The following WDR43 variants were observed in gnomAD, a reference collection of about 807,000 sequenced individuals.
WDR43 encodes WD repeat-containing protein 43.
WDR43 carries 13 observed loss-of-function variants against 91.4 expected under a neutral mutation model. The ratio of observed to expected loss-of-function variants is 0.14; its 90% CI spans 0.09 to 0.23. The LOEUF (loss-of-function observed/expected upper bound fraction) is 0.23. Among genes scored for constraint, WDR43 ranks in the 10% least tolerant of loss-of-function variants. The pLI is 1.00. For missense variants in WDR43, 780 were observed against 809.4 expected, an observed-to-expected ratio of 0.96 and a Z score of 0.44; for synonymous variants, 331 against 287.9, an observed-to-expected ratio of 1.15 and a Z score of -1.51.
Position 28,941,455 on chromosome 2 carries a change from C to T in WDR43, c.1621-6C>T, listed in dbSNP as rs749373996. On this transcript the variant is annotated splice_region_variant and splice_polypyrimidine_tract_variant and intron_variant, in intron 14 of 17. Coordinates refer to ENST00000407426, the MANE Select transcript of WDR43 (RefSeq NM_015131.3). ...AATAGTGCCAAATGATCATTTTTTT[C>T]TCTAGTTGCCTGACCTGGTACCCCA... 1.9e-6 allele frequency: 3 copies of T among 1,602,856 alleles called. No homozygotes were observed. The highest frequency in any genetic ancestry group is 1.7e-5 in the Admixed American group (1 of 57,888).
rs1393607176 is a variant in WDR43, at chr2:28,948,162, T to C, written c.*1383T>C. On this transcript the variant is annotated 3_prime_UTR_variant, in exon 18 of 18. Coordinates refer to ENST00000407426, the MANE Select transcript of WDR43 (RefSeq NM_015131.3). ...TTATATTTGTCTATAAATGGAGCTG[T>C]TTATGGCAATTTAATACCATTCTCT... 6.6e-6 allele frequency: 1 copy of C among 152,200 alleles called. No individual in the cohort carries two copies. Among genetic ancestry groups the C allele is most frequent in the Non-Finnish European group, 1.5e-5 (1 of 68,036 alleles). The allele number at this position is 152,200 out of a possible 1,614,324, so 9.4% of individuals were successfully genotyped here.
chr2:28,907,828 C>T (rs568237503), intron 3 of WDR43, among the ~76,000 whole-genome samples: 11 of 146,596 alleles, frequency 7.5e-5, no homozygotes, highest in South Asian at 2.5e-4. Context: ...GGCGTGAACC[C>T]GGGAGGCGGA....
intron 14 of WDR43, among the ~76,000 whole-genome samples, chr2:28,940,476 C>G (rs1031414596): frequency 6.6e-6 from 1 of 151,954 alleles, no homozygotes; most frequent in Non-Finnish European, 1.5e-5. Context: ...GTGATCTGCC[C>G]GCCTCAGCCT....
In WDR43 at chr2:28,946,690, GA is replaced by G; in HGVS notation, c.1949del (p.Asn650MetfsTer13). 1 of 1,574,026 alleles carries G rather than the reference GA, an allele frequency of 6.4e-7. No homozygotes were observed. The highest frequency in any genetic ancestry group is 8.6e-7 in the Non-Finnish European group (1 of 1,159,352). On this transcript the variant is annotated frameshift_variant, in exon 18 of 18. Coordinates refer to ENST00000407426, the MANE Select transcript of WDR43 (RefSeq NM_015131.3). LOFTEE classifies it high-confidence loss of function. ...TGAGGATGCCGAAGGAAAAGATGAA[GA>G]AAATGGCGAGGACAGAGATACAGCA... is the stretch of plus-strand genomic sequence containing the variant. ...EDEDAEGKDE[E>X]NGEDRDTASE...
chr2:28,898,830 T>C (rs973062769), intron 1 of WDR43, among the ~76,000 whole-genome samples: 8 of 152,196 alleles, frequency 5.3e-5, no homozygotes, highest in African/African-American at 1.9e-4. Context: ...TTTTCTGGGA[T>C]TTTAGTCTAA....
chr2:28,910,385 A>G (rs1163298319), intron 3 of WDR43, among the ~76,000 whole-genome samples: 1 of 152,178 alleles, frequency 6.6e-6, no homozygotes, highest in Admixed American at 6.5e-5. Context: ...TAAATTGGCA[A>G]AAATTTCAGA....
chr2:28,909,881 A>G (rs1400926603), intron 3 of WDR43, among the ~76,000 whole-genome samples: 1 of 152,158 alleles, frequency 6.6e-6, no homozygotes, highest in Non-Finnish European at 1.5e-5. Flanking sequence ...TGGGGGAAAA[A>G]GTATTGATTG....
In WDR43 at chr2:28,902,008, A is replaced by G. The variant is rs1670584987; in HGVS notation, c.247A>G (p.Arg83Gly). The change falls in exon 2 of 18, where the codon AGG becomes GGG. Residue 83 changes from arginine to glycine, a missense_variant. Physicochemically the swap from Arg to Gly is moderately radical, Grantham distance 125. Transcript: ENST00000407426. ...QAKESPQRKK[R>G]KSEAVGMSNQ... ...CCAGGAAAGTCCCCAGAGGAAAAAA[A>G]GGAAATCAGAAGCTGTAGGAATGAG... 2 of 1,592,498 alleles carry G rather than the reference A, an allele frequency of 1.3e-6. No individual in the cohort carries two copies. Among genetic ancestry groups the G allele is most frequent in the African/African-American group, 1.4e-5 (1 of 73,388 alleles).
intron 6 of WDR43, among the ~76,000 whole-genome samples, chr2:28,919,573 G>A (rs1350235506): frequency 6.6e-5 from 10 of 151,500 alleles, no homozygotes; most frequent in Non-Finnish European, 1.3e-4. Context: ...GGAGAATGCC[G>A]TGAACCTGGG....
Position 28,924,607 on chromosome 2 carries a change from TGCTGAG to T in WDR43, c.915-371_915-366del, listed in dbSNP as rs535113218. 5.9e-5 allele frequency among the ~76,000 whole-genome samples: 9 copies of T among 152,166 alleles called. No individual in the cohort carries two copies. The East Asian group carries it at 1.7e-3, about 29-fold the overall frequency. On this transcript the variant is annotated intron_variant, in intron 7 of 17. Coordinates refer to ENST00000407426, the MANE Select transcript of WDR43 (RefSeq NM_015131.3). ...CTGCTGGAACTACACTCCAGAGGCT[TGCTGAG>T]GCTTTTGGGGGTTGGGAGAAACTGG...
At chr2:28,917,810 C>A in intron 5 of WDR43, 83 bp from the exon 6 acceptor site, 1 of 1,195,610 alleles carries the variant, frequency 8.4e-7, no homozygotes, top group Non-Finnish European at 1.2e-6. Flanking sequence ...ATGTGCTGAT[C>A]TCCATGCCTC....
chr2:28,945,073 G>C (rs979740965), intron 16 of WDR43, among the ~76,000 whole-genome samples: 5 of 152,186 alleles, frequency 3.3e-5, no homozygotes, highest in African/African-American at 1.2e-4. Flanking sequence ...TGGGTAGTAT[G>C]ATGTATGTGT....
chr2:28,943,763 T>G (rs1247683320), intron 16 of WDR43, among the ~76,000 whole-genome samples: 1 of 152,148 alleles, frequency 6.6e-6, no homozygotes, highest in Non-Finnish European at 1.5e-5. Context: ...AACAAAAAAT[T>G]TTACCATTAT....
intron 16 of WDR43, among the ~76,000 whole-genome samples, chr2:28,945,084 T>C (rs1332309707): frequency 6.6e-6 from 1 of 152,220 alleles, no homozygotes; most frequent in East Asian, 1.9e-4. Flanking sequence ...ATGTATGTGT[T>C]ATAACAGCAT....
chr2:28,894,823 A>C lies in WDR43; in HGVS notation c.125A>C (p.Glu42Ala). The change falls in exon 1 of 18, where the codon GAG (glutamate) becomes GCG (alanine). Residue 42 changes from glutamate (E) to alanine (A), a missense_variant. By Grantham distance (107) the Glu-to-Ala change is moderately radical. This residue lies in a region of WDR43 where 175 missense variants were observed against 113.8 expected (regional missense o/e 1.54). Transcript: ENST00000407426. ...ACCGACGGTCACTTACGAGTATGGG[A>C]GACGGCCAACAACCGGCTGCACCAG... ...ASTDGHLRVW[E>A]TANNRLHQEY... 6.2e-7 allele frequency: 1 copy of C among 1,611,348 alleles called. No individual in the cohort carries two copies. The highest frequency in any genetic ancestry group is 8.5e-7 in the Non-Finnish European group (1 of 1,178,882).
At chr2:28,900,197 G>A (rs191666233) in intron 1 of WDR43, among the ~76,000 whole-genome samples, 9 of 152,056 alleles carry the variant, frequency 5.9e-5, no homozygotes, top group Middle Eastern at 3.4e-3. Flanking sequence ...TCTTTTTTTC[G>A]TTTTGTTTTG....
intron 2 of WDR43, among the ~76,000 whole-genome samples, chr2:28,902,602 G>A (rs1004367892): frequency 6.6e-6 from 1 of 152,246 alleles, no homozygotes; most frequent in Non-Finnish European, 1.5e-5. Context: ...GAGATGATGA[G>A]ATTGGTTCTC....
chr2:28,942,360 G>T lies in WDR43; in HGVS notation c.1783G>T (p.Ala595Ser). The change falls in exon 16 of 18, where the codon GCA (alanine) becomes TCA (serine). Residue 595 changes from alanine to serine, a missense_variant. Ala to Ser is a moderately conservative substitution (Grantham distance 99). Coordinates refer to ENST00000407426, the MANE Select transcript of WDR43 (RefSeq NM_015131.3). ...TKGATSPGQK[A>S]KLVYEEESSE... ...GGGAGCAACTTCCCCTGGACAGAAG[G>T]CAAAGTTGGTGTATGAAGAAGGTAA... 1 of 1,613,504 alleles carries T rather than the reference G, an allele frequency of 6.2e-7. No homozygotes were observed. The highest frequency in any genetic ancestry group is 1.7e-5 in the Admixed American group (1 of 59,984).
At chr2:28,914,786 G>A (rs908563615) in intron 5 of WDR43, among the ~76,000 whole-genome samples, 2 of 152,000 alleles carry the variant, frequency 1.3e-5, no homozygotes, top group African/African-American at 4.8e-5. Context: ...AAAATTAGCC[G>A]GGCATGGTGG....
Sources: allele counts gnomAD v4.1 joint callset (sites outside exome capture counted in the v4.1 genomes callset), GRCh38; gene constraint gnomAD v4.1.1; regional missense constraint gnomAD v4.1.1; transcripts MANE v1.5; gene names NCBI Gene and HGNC (gene_info 2026-07-23, HGNC 2026-07-21).